The following GREB1 variants were observed in gnomAD, a reference collection of about 807,000 sequenced individuals.
The protein encoded by GREB1 is growth regulating estrogen receptor binding 1.
Under a neutral mutation model 200.7 loss-of-function variants are expected in GREB1, and 106 were observed. The ratio of observed to expected loss-of-function variants is 0.53; its 90% CI spans 0.45 to 0.62. The LOEUF is 0.62. GREB1 is among the 20% of genes least tolerant of loss of function. The pLI is 0.00. For synonymous variants in GREB1, 1,132 were observed against 1,092.4 expected (o/e 1.04, Z -0.72); for missense variants, 2,243 against 2,556.8 (o/e 0.88, Z 2.65).
intron 1 of GREB1, among the ~76,000 whole-genome samples, chr2:11,491,700 A>C (rs1672776804): frequency 6.6e-6 from 1 of 152,354 alleles, no homozygotes; most frequent in African/African-American, 2.4e-5. Flanking sequence ...GGCATGTAGT[A>C]GGTCTTAAGT....
intron 1 of GREB1, among the ~76,000 whole-genome samples, chr2:11,524,827 T>C (rs898149390): frequency 6.6e-6 from 1 of 152,222 alleles, no homozygotes; most frequent in Admixed American, 6.5e-5. Flanking sequence ...GCTAAAAGCT[T>C]GATTTCCTAG....
At chr2:11,583,056 A>G (rs1158094959) in intron 7 of GREB1, among the ~76,000 whole-genome samples, 2 of 151,828 alleles carry the variant, frequency 1.3e-5, no homozygotes, top group East Asian at 3.9e-4. Context: ...GCCAAATAGT[A>G]CCTCCCCAAG....
chr2:11,630,919 A>C (rs1007026716), intron 26 of GREB1, among the ~76,000 whole-genome samples: 2 of 152,200 alleles, frequency 1.3e-5, no homozygotes, highest in African/African-American at 4.8e-5. Flanking sequence ...TTCCTTCTCC[A>C]GAGTGCTAGG....
At chr2:11,533,918 G>T (rs951551865), upstream of GREB1, among the ~76,000 whole-genome samples, 1 of 152,082 alleles carries the variant, frequency 6.6e-6, no homozygotes, top group Non-Finnish European at 1.5e-5. Context: ...ATGCAAGATT[G>T]GGCAATAAAA....
chr2:11,627,699 TCCTGA>T (rs1441636137), intron 25 of GREB1, among the ~76,000 whole-genome samples: 5 of 152,296 alleles, frequency 3.3e-5, no homozygotes, highest in African/African-American at 1.2e-4. Context: ...TGGATAAGGC[TCCTGA>T]CCCAGGGCTC....
At chr2:11,612,717 A>G (rs1278981488) in intron 19 of GREB1, 107 bp downstream of exon 19, 2 of 676,302 alleles carry the variant, frequency 3.0e-6, no homozygotes, top group South Asian at 3.6e-5. Flanking sequence ...AGGCAGCACC[A>G]CTCACATTCA....
intron 1 of GREB1, among the ~76,000 whole-genome samples, chr2:11,546,246 C>T (rs1471798107): frequency 6.6e-6 from 1 of 152,132 alleles, no homozygotes. Flanking sequence ...CACGCCCCCT[C>T]CCTTCATCTG....
At chr2:11,487,883 A>G (rs372061404) in intron 1 of GREB1, among the ~76,000 whole-genome samples, 1 of 152,212 alleles carries the variant, frequency 6.6e-6, no homozygotes, top group Non-Finnish European at 1.5e-5. Context: ...CTGGGGCTCA[A>G]CAAAAGGCGG....
At chr2:11,546,460 G>C (rs1260555120) in intron 1 of GREB1, among the ~76,000 whole-genome samples, 2 of 152,022 alleles carry the variant, frequency 1.3e-5, no homozygotes, top group African/African-American at 4.8e-5. Context: ...CTTATATGTG[G>C]TTTATGCATG....
At chr2:11,520,879 T>C (rs1314084681) in intron 1 of GREB1, among the ~76,000 whole-genome samples, 1 of 152,184 alleles carries the variant, frequency 6.6e-6, no homozygotes, top group Non-Finnish European at 1.5e-5. Context: ...AGGTAGTTAC[T>C]ACCATTCTCT....
chr2:11,576,247 C>T (rs1678842411), intron 4 of GREB1, 106 bp from the exon 5 acceptor site: 4 of 850,984 alleles, frequency 4.7e-6, no homozygotes, highest in Non-Finnish European at 7.5e-6. Flanking sequence ...ATAGAGGTTG[C>T]AGCGAGCCGA....
rs781739428 is a variant in GREB1, at chr2:11,585,866, T to C, written c.1120T>C (p.Leu374=). 26 of 1,613,928 alleles carry C rather than the reference T, an allele frequency of 1.6e-5. No individual in the cohort carries two copies. Among genetic ancestry groups the C allele is most frequent in the Non-Finnish European group, 7.6e-6 (9 of 1,180,044 alleles). The change falls in exon 9 of 33, where the codon TTG becomes CTG. Residue 374 remains leucine, a synonymous_variant. Coordinates refer to ENST00000381486, the MANE Select transcript of GREB1 (RefSeq NM_014668.4). The stretch of plus-strand genomic sequence containing the variant: ...AGAACCAGTGTCTGTTCCTGACAAC[T>C]TGCTGAAAATATGCAAGGCCAAGCC... ...SGEPVSVPDN[L]LKICKAKPVI...
chr2:11,586,950 C>T (rs762745825), intron 9 of GREB1, among the ~76,000 whole-genome samples: 1 of 151,978 alleles, frequency 6.6e-6, no homozygotes, highest in African/African-American at 2.4e-5. Context: ...GTGGTAGGCC[C>T]GAAGACCACG....
At chr2:11,559,151 G>C (rs773406515) in intron 2 of GREB1, among the ~76,000 whole-genome samples, 1 of 152,176 alleles carries the variant, frequency 6.6e-6, no homozygotes, top group African/African-American at 2.4e-5. Context: ...AGCCTTGTAC[G>C]GAATGGAGGG....
intron 1 of GREB1, among the ~76,000 whole-genome samples, chr2:11,513,646 C>G (rs1183991619): frequency 1.3e-5 from 2 of 152,042 alleles, no homozygotes; most frequent in African/African-American, 2.4e-5. Context: ...ACGCAATTTC[C>G]TGATCATTCT....
At chr2:11,599,526 T>A (rs1238432183) in intron 15 of GREB1, among the ~76,000 whole-genome samples, 5 of 147,896 alleles carry the variant, frequency 3.4e-5, no homozygotes, top group Non-Finnish European at 6.0e-5. Flanking sequence ...TGTATTTTTT[T>A]TTTTTTTTTT....
chr2:11,570,604 T>C (rs1489457511), intron 4 of GREB1, among the ~76,000 whole-genome samples: 1 of 152,126 alleles, frequency 6.6e-6, no homozygotes, highest in Non-Finnish European at 1.5e-5. Context: ...GCTGTATCTC[T>C]TCAATTTTTC....
chr2:11,489,478 A>G lies in GREB1; in HGVS notation c.-159+7097A>G, dbSNP rs1465791606. Among the ~76,000 whole-genome samples the G allele has an allele frequency of 5.9e-5, 9 of 152,194 alleles. No individual in the cohort carries two copies. The East Asian group carries it at 1.7e-3, about 29-fold the overall frequency. Reference sequence around the variant, plus strand: ...CGTCTTGGGGGAAAAAAAAATAAATAAAGAATGCTACTTTGAAGTCTTGCC... The same window carrying G: ...CGTCTTGGGGGAAAAAAAAATAAATGAAGAATGCTACTTTGAAGTCTTGCC... On this transcript the variant is annotated intron_variant, in intron 1 of 2. Coordinates refer to the GREB1 transcript ENST00000628795.
intron 1 of GREB1, among the ~76,000 whole-genome samples, chr2:11,490,796 G>A (rs933711628): frequency 1.1e-4 from 17 of 152,260 alleles, no homozygotes; most frequent in South Asian, 8.3e-4. Flanking sequence ...TGATCTGCCC[G>A]CCTTGGCCTC....
Sources: allele counts gnomAD v4.1 joint callset (sites outside exome capture counted in the v4.1 genomes callset), GRCh38; gene constraint gnomAD v4.1.1; transcripts MANE v1.5; gene names NCBI Gene and HGNC (gene_info 2026-07-23, HGNC 2026-07-21).